Variants in MECOM observed in about 807,000 individuals in gnomAD.
The protein encoded by MECOM is MDS1 and EVI1 complex locus, also known as histone-lysine N-methyltransferase MECOM.
Under a neutral mutation model 116.3 loss-of-function variants are expected in MECOM, and 13 were observed. The ratio of observed to expected loss-of-function variants is 0.11; its 90% CI spans 0.07 to 0.18. The LOEUF is 0.18. Among genes scored for constraint, MECOM ranks in the 10% least tolerant of loss-of-function variants. The probability of loss-of-function intolerance (pLI) is 1.00; values close to 1 mark genes in which losing one functional copy is unlikely to be tolerated. For missense variants in MECOM, 1,299 were observed against 1,509.0 expected (o/e 0.86, Z 2.31); for synonymous variants, 528 against 535.2 (o/e 0.99, Z 0.19).
chr3:169,092,662 T>C (rs1720121379), intron 14 of MECOM, among the ~76,000 whole-genome samples: 1 of 152,058 alleles, frequency 6.6e-6, no homozygotes, highest in Non-Finnish European at 1.5e-5. Context: ...AGAGCTCAGG[T>C]TGAATCCCAT....
chr3:169,364,341 C>T (rs1457428948), intron 2 of MECOM, among the ~76,000 whole-genome samples: 5 of 151,944 alleles, frequency 3.3e-5, no homozygotes, highest in Non-Finnish European at 7.4e-5. Context: ...TTTACTGCCT[C>T]ATGTTTGGAA....
intron 2 of MECOM, chr3:169,145,185 CACACAGAG>C (rs781505389): frequency 0.043 from 3,164 of 73,266 alleles, 89 homozygotes; most frequent in African/African-American, 0.28. Flanking sequence ...CACACACACA[CACACAGAG>C]AGAAATCAAA....
Position 169,093,019 on chromosome 3 carries a change from T to C in MECOM, c.3103A>G (p.Ile1035Val). 6.2e-7 allele frequency: 1 copy of C among 1,613,858 alleles called. No homozygotes were observed. The highest frequency in any genetic ancestry group is 2.2e-5 in the East Asian group (1 of 44,872). Residue 1035 changes from isoleucine to valine, a missense_variant, in exon 14 of 17, where the codon ATT becomes GTT. Transcript: ENST00000651503. ...DDKEDAYFTE[I>V]RNFIGNSNHG... ...TTGCTGTTCCCAATGAAATTTCGAA[T>C]TTCTGTGAAGTAAGCATCTTCTTTG...
chr3:169,383,611 A>G (rs1362411174), intron 1 of MECOM, among the ~76,000 whole-genome samples: 1 of 152,080 alleles, frequency 6.6e-6, no homozygotes, highest in African/African-American at 2.4e-5. Context: ...ATGGGTCTCA[A>G]CCTCCAGCTT....
intron 1 of MECOM, among the ~76,000 whole-genome samples, chr3:169,569,514 A>T (rs1363551699): frequency 6.6e-6 from 1 of 152,214 alleles, no homozygotes; most frequent in African/African-American, 2.4e-5. Context: ...TCTACACCAA[A>T]TCAACGGAAT....
intron 1 of MECOM, among the ~76,000 whole-genome samples, chr3:169,402,664 A>G (rs1382026748): frequency 6.6e-6 from 1 of 152,140 alleles, no homozygotes; most frequent in African/African-American, 2.4e-5. Flanking sequence ...TCAAAAAAAA[A>G]AGAAAACCAG....
chr3:169,205,289 T>C (rs945551761), intron 2 of MECOM, among the ~76,000 whole-genome samples: 3 of 152,216 alleles, frequency 2.0e-5, no homozygotes, highest in African/African-American at 7.2e-5. Context: ...CTGTTTAATA[T>C]ACTGTATTTC....
intron 1 of MECOM, among the ~76,000 whole-genome samples, chr3:169,556,549 G>A (rs1007515088): frequency 6.6e-6 from 1 of 152,136 alleles, no homozygotes; most frequent in African/African-American, 2.4e-5. Context: ...CCCACCTCCT[G>A]GTTGTCCCAC....
intron 2 of MECOM, among the ~76,000 whole-genome samples, chr3:169,246,774 C>A (rs558256485): frequency 2.4e-4 from 37 of 152,230 alleles, no homozygotes; most frequent in Admixed American, 4.6e-4. Context: ...CCCGCCTTGG[C>A]CTCCCAAAGT....
At chr3:169,424,678 T>C (rs1216611298) in intron 1 of MECOM, among the ~76,000 whole-genome samples, 1 of 151,984 alleles carries the variant, frequency 6.6e-6, no homozygotes, top group Non-Finnish European at 1.5e-5. Flanking sequence ...AAGCTTAGAG[T>C]CTCCTTGAAT....
intron 2 of MECOM, among the ~76,000 whole-genome samples, chr3:169,220,216 C>A (rs1008526283): frequency 2.6e-5 from 4 of 152,100 alleles, no homozygotes; most frequent in Admixed American, 2.0e-4. Flanking sequence ...GGTAGTACAG[C>A]TACCTGGGAA....
chr3:169,192,788 C>G (rs1747886198), intron 2 of MECOM, among the ~76,000 whole-genome samples: 1 of 151,986 alleles, frequency 6.6e-6, no homozygotes, highest in African/African-American at 2.4e-5. Flanking sequence ...GCATAAAGAC[C>G]TCCCCTGAAT....
At position 169,399,737 on chromosome 3, in the gene MECOM, G is replaced by GT. The variant is rs1223584194; in HGVS notation, c.38-18214dup. ...AAGTTTTGTTTTATGTTTTTGTGGA[G>GT]TTTTTTAAAGAAACATTTTGCTTTT... On this transcript the variant is annotated intron_variant, in intron 1 of 16. Coordinates refer to ENST00000651503, the MANE Select transcript of MECOM (RefSeq NM_004991.4). Among the ~76,000 whole-genome samples, 4 of 152,178 alleles carry GT rather than the reference G, an allele frequency of 2.6e-5. 1 individual carries two copies. The highest frequency in any genetic ancestry group is 5.9e-5 in the Non-Finnish European group (4 of 68,020).
In MECOM at chr3:169,115,639, T is replaced by G. The variant is rs1728926165; in HGVS notation, c.2233A>C (p.Thr745Pro). Residue 745 changes from threonine (T) to proline (P), a missense_variant, in exon 8 of 17, where the codon ACC becomes CCC. Physicochemically the swap from Thr to Pro is conservative, Grantham distance 38. Transcript: ENST00000651503. ...GGCTTCTCATCCTTTCGCTTAGTGGTGAGATCAAAGGGGGACTCAGAGCTG... is the reference window on the plus strand; with the variant it reads ...GGCTTCTCATCCTTTCGCTTAGTGGGGAGATCAAAGGGGGACTCAGAGCTG... ...KGSSESPFDL[T>P]TKRKDEKPLT... 3.1e-6 allele frequency: 5 copies of G among 1,614,008 alleles called. No individual in the cohort carries two copies. The highest frequency in any genetic ancestry group is 4.2e-6 in the Non-Finnish European group (5 of 1,180,026).
At chr3:169,158,880 G>A (rs1359728188) in intron 2 of MECOM, among the ~76,000 whole-genome samples, 2 of 152,096 alleles carry the variant, frequency 1.3e-5, no homozygotes, top group African/African-American at 2.4e-5. Context: ...AATTATTCTC[G>A]CCCCCAAAAT....
intron 1 of MECOM, among the ~76,000 whole-genome samples, chr3:169,584,691 A>C (rs1466342838): frequency 1.3e-5 from 2 of 151,322 alleles, no homozygotes; most frequent in Admixed American, 6.6e-5. Context: ...ACTACTGGTA[A>C]ACTACTGTGT....
intron 1 of MECOM, among the ~76,000 whole-genome samples, chr3:169,497,998 T>C (rs1204108903): frequency 6.6e-6 from 1 of 152,204 alleles, no homozygotes; most frequent in African/African-American, 2.4e-5. Flanking sequence ...TTTTACACCT[T>C]CTCTTCTCTA....
At chr3:169,313,943 C>G (rs1719265879) in intron 2 of MECOM, among the ~76,000 whole-genome samples, 1 of 152,204 alleles carries the variant, frequency 6.6e-6, no homozygotes, top group Non-Finnish European at 1.5e-5. Context: ...GATCAAGAAA[C>G]AGACTTCCAT....
At chr3:169,433,584 G>A (rs1051630165) in intron 1 of MECOM, among the ~76,000 whole-genome samples, 2 of 146,154 alleles carry the variant, frequency 1.4e-5, no homozygotes, top group Non-Finnish European at 3.0e-5. Context: ...AAGGAAAAAA[G>A]GAAGGAAGGG....
Sources: allele counts gnomAD v4.1 joint callset (sites outside exome capture counted in the v4.1 genomes callset), GRCh38; gene constraint gnomAD v4.1.1; transcripts MANE v1.5; gene names NCBI Gene and HGNC (gene_info 2026-07-23, HGNC 2026-07-21).